MACROD2: variants seen among roughly 807,000 people sequenced by gnomAD.
The protein encoded by MACROD2 is ADP-ribose glycohydrolase MACROD2.
A neutral mutation model predicts 70.4 loss-of-function variants in MACROD2; 36 were observed. That is an observed-to-expected ratio of 0.51 (90% CI 0.39 to 0.68). MACROD2 has a LOEUF of 0.68. Among genes scored for constraint, MACROD2 ranks in the 30% least tolerant of loss-of-function variants. The pLI is 0.00. For missense variants in MACROD2, 496 were observed against 538.4 expected, an observed-to-expected ratio of 0.92 and a Z score of 0.78; for synonymous variants, 172 against 178.8, an observed-to-expected ratio of 0.96 and a Z score of 0.30.
chr20:14,945,976 G>GCACT (rs1354839458), intron 5 of MACROD2, among the ~76,000 whole-genome samples: 11 of 152,140 alleles, frequency 7.2e-5, no homozygotes, highest in Admixed American at 5.2e-4. Context: ...GGGAGGCCGA[G>GCACT]GTGGGTGGAT....
At chr20:15,310,268 G>T (rs1160343905) in intron 6 of MACROD2, among the ~76,000 whole-genome samples, 5 of 152,068 alleles carry the variant, frequency 3.3e-5, no homozygotes, top group Non-Finnish European at 7.4e-5. Context: ...AGGTAGAAAG[G>T]TAAGAATGGC....
intron 6 of MACROD2, among the ~76,000 whole-genome samples, chr20:15,255,227 T>C (rs2077189328): frequency 6.6e-6 from 1 of 152,100 alleles, no homozygotes; most frequent in African/African-American, 2.4e-5. Flanking sequence ...CTCTCTAATG[T>C]AAGAAGATTC....
intron 8 of MACROD2, among the ~76,000 whole-genome samples, chr20:15,616,762 A>T (rs2049045037): frequency 6.6e-6 from 1 of 152,306 alleles, no homozygotes. Context: ...ACTAGTGTTG[A>T]TAGGCCCATA....
chr20:15,772,101 A>AAAAAAAAAAAAAAAAAATATATATAT (rs1555777716), intron 8 of MACROD2, among the ~76,000 whole-genome samples: 1 of 91,422 alleles, frequency 1.1e-5, no homozygotes, highest in East Asian at 5.1e-4. Context: ...AAAAAAAAAA[A>AAAAAAAAAAAAAAAAAATATATATAT]ATATATATAT....
At chr20:14,918,617 GTTT>G (rs201821065) in intron 5 of MACROD2, among the ~76,000 whole-genome samples, 3 of 127,784 alleles carry the variant, frequency 2.3e-5, no homozygotes, top group Admixed American at 7.8e-5. Context: ...TGTTTTTTTT[GTTT>G]TTTTTTTTTT....
At chr20:15,148,433 C>T (rs2076246152) in intron 5 of MACROD2, among the ~76,000 whole-genome samples, 1 of 151,950 alleles carries the variant, frequency 6.6e-6, no homozygotes. Context: ...ATAGCCTTGC[C>T]AGCAAAGATT....
intron 7 of MACROD2, among the ~76,000 whole-genome samples, chr20:15,479,693 T>C (rs894639565): frequency 6.6e-6 from 1 of 152,216 alleles, no homozygotes; most frequent in African/African-American, 2.4e-5. Context: ...CTCTACCAAG[T>C]ACATTAGCCT....
intron 5 of MACROD2, among the ~76,000 whole-genome samples, chr20:15,019,519 A>C (rs2075147993): frequency 6.6e-6 from 1 of 152,182 alleles, no homozygotes; most frequent in African/African-American, 2.4e-5. Context: ...AGCCTGGAAA[A>C]GTTGGTACCA....
intron 5 of MACROD2, among the ~76,000 whole-genome samples, chr20:14,940,038 C>T (rs558440679): frequency 6.7e-6 from 1 of 148,978 alleles, no homozygotes; most frequent in East Asian, 2.0e-4. Context: ...AAGATCATGT[C>T]GTCTGTATAT....
intron 3 of MACROD2, among the ~76,000 whole-genome samples, chr20:14,195,953 T>C (rs2081428350): frequency 6.6e-6 from 1 of 152,132 alleles, no homozygotes; most frequent in African/African-American, 2.4e-5. Context: ...GGGGTCTAAT[T>C]GAGCTAACAC....
At chr20:15,113,024 A>G (rs149259183) in intron 5 of MACROD2, among the ~76,000 whole-genome samples, 208 of 149,192 alleles carry the variant, frequency 1.4e-3, no homozygotes, top group African/African-American at 2.8e-3. Context: ...CCATTCATCT[A>G]TCAATGAACA....
At chr20:14,723,491 G>T (rs1254864462) in intron 5 of MACROD2, among the ~76,000 whole-genome samples, 1 of 150,042 alleles carries the variant, frequency 6.7e-6, no homozygotes, top group African/African-American at 2.5e-5. Context: ...ATGAAGATTT[G>T]GTATTTTTTT....
chr20:14,132,056 G>A (rs985041060), intron 3 of MACROD2, among the ~76,000 whole-genome samples: 22 of 151,116 alleles, frequency 1.5e-4, no homozygotes, highest in African/African-American at 3.7e-4. Flanking sequence ...GTGTGAACCC[G>A]GGAGGCGGAG....
At chr20:15,891,222 G>C (rs562096983) in intron 10 of MACROD2, among the ~76,000 whole-genome samples, 1 of 152,132 alleles carries the variant, frequency 6.6e-6, no homozygotes, top group African/African-American at 2.4e-5. Flanking sequence ...TTGGAGGAGT[G>C]GGGGTGAGAA....
At chr20:15,018,320 C>T (rs1342386725) in intron 5 of MACROD2, among the ~76,000 whole-genome samples, 1 of 152,174 alleles carries the variant, frequency 6.6e-6, no homozygotes, top group Non-Finnish European at 1.5e-5. Flanking sequence ...GCTCTAGGTC[C>T]CAATAAGTTC....
intron 3 of MACROD2, among the ~76,000 whole-genome samples, chr20:14,415,247 A>G: frequency 6.6e-6 from 1 of 152,206 alleles, no homozygotes; most frequent in Non-Finnish European, 1.5e-5. Context: ...AACACCAAGG[A>G]ATGTACTATG....
chr20:15,802,123 A>G (rs1372017269), intron 8 of MACROD2, among the ~76,000 whole-genome samples: 1 of 152,158 alleles, frequency 6.6e-6, no homozygotes, highest in Non-Finnish European at 1.5e-5. Context: ...TAGTCTGTAT[A>G]TAAGATCATA....
In MACROD2 at chr20:15,830,597, G is replaced by T. The variant is rs187946024; in HGVS notation, c.646-32148G>T. On this transcript the variant is annotated intron_variant, in intron 8 of 17. Transcript: ENST00000684519. ...ACTATGAATGAAGACTCCCAAAGGG[G>T]AGTATTTGCACATTGACCTGGGAGA... Among the ~76,000 whole-genome samples the T allele has an allele frequency of 2.1e-3, 315 of 152,334 alleles. 2 individuals carry two copies. Among genetic ancestry groups the T allele is most frequent in the African/African-American group, 7.4e-3 (307 of 41,576 alleles).
At chr20:15,516,306 T>C (rs957924015) in intron 8 of MACROD2, among the ~76,000 whole-genome samples, 4 of 152,138 alleles carry the variant, frequency 2.6e-5, no homozygotes, top group Admixed American at 6.6e-5. Flanking sequence ...TCAAAAAAAA[T>C]GTTGGCAGCT....
Sources: allele counts gnomAD v4.1 joint callset (sites outside exome capture counted in the v4.1 genomes callset), GRCh38; gene constraint gnomAD v4.1.1; transcripts MANE v1.5; gene names NCBI Gene and HGNC (gene_info 2026-07-23, HGNC 2026-07-21).